SLC41A2: variants seen among roughly 807,000 people sequenced by gnomAD.
SLC41A2 encodes the protein solute carrier family 41 member 2.
In SLC41A2, 32 loss-of-function variants were observed where a neutral mutation model predicts 58.3. That is an observed-to-expected ratio of 0.55 (90% CI 0.41 to 0.74). The LOEUF is 0.74. SLC41A2 is among the 30% of genes least tolerant of loss of function. The pLI, the probability that SLC41A2 is intolerant of heterozygous loss-of-function variation, is 0.00. For missense variants in SLC41A2, 514 were observed against 680.6 expected (o/e 0.76, Z 2.72); for synonymous variants, 190 against 235.0 (o/e 0.81, Z 1.75).
chr12:104,806,635 G>A (rs868002572), intron 10 of SLC41A2, among the ~76,000 whole-genome samples: 4 of 151,458 alleles, frequency 2.6e-5, no homozygotes, highest in African/African-American at 9.7e-5. Context: ...CTGAGGAATC[G>A]CCACACTGAC....
At chr12:104,896,045 C>A (rs544691146) in intron 3 of SLC41A2, among the ~76,000 whole-genome samples, 1 of 152,096 alleles carries the variant, frequency 6.6e-6, no homozygotes, top group Non-Finnish European at 1.5e-5. Context: ...TGGAAAGCAA[C>A]GAACAATCAT....
intron 2 of SLC41A2, among the ~76,000 whole-genome samples, chr12:104,918,445 T>C (rs1194369451): frequency 1.3e-5 from 2 of 152,090 alleles, no homozygotes; most frequent in African/African-American, 4.8e-5. Flanking sequence ...CTTGTATTAG[T>C]GCATTATCTG....
At chr12:104,898,112 TA>T (rs1186974114) in intron 3 of SLC41A2, among the ~76,000 whole-genome samples, 3 of 152,184 alleles carry the variant, frequency 2.0e-5, no homozygotes, top group Non-Finnish European at 4.4e-5. Flanking sequence ...ATGTATATCT[TA>T]AAGTATTAGA....
chr12:104,821,125 A>G (rs1031186544), intron 10 of SLC41A2, among the ~76,000 whole-genome samples: 2 of 152,182 alleles, frequency 1.3e-5, no homozygotes, highest in African/African-American at 4.8e-5. Context: ...GTATTTCTTG[A>G]AATGTAATTT....
chr12:104,861,529 A>G (rs2043211748), intron 7 of SLC41A2, among the ~76,000 whole-genome samples, 159 bp from the exon 8 acceptor site: 1 of 152,262 alleles, frequency 6.6e-6, no homozygotes, highest in Non-Finnish European at 1.5e-5. Context: ...CAATGTCAAC[A>G]GTAAAATGTT....
intron 10 of SLC41A2, among the ~76,000 whole-genome samples, chr12:104,842,293 C>A (rs1409389169): frequency 6.6e-6 from 1 of 152,114 alleles, no homozygotes; most frequent in African/African-American, 2.4e-5. Flanking sequence ...AATTTACAAC[C>A]TATCCTAAGC....
intron 1 of SLC41A2, among the ~76,000 whole-genome samples, chr12:104,935,434 G>A (rs77721449): frequency 0.11 from 16,084 of 151,940 alleles, 1,409 homozygotes; most frequent in East Asian, 0.26. Flanking sequence ...TAACGTATAC[G>A]TAGATCAAAA....
chr12:104,826,143 C>A (rs768837451), intron 10 of SLC41A2, among the ~76,000 whole-genome samples: 1 of 152,178 alleles, frequency 6.6e-6, no homozygotes, highest in East Asian at 1.9e-4. Context: ...GTTCTCTTCA[C>A]CACCGCCAGC....
At chr12:104,905,924 T>C (rs965240989) in intron 3 of SLC41A2, among the ~76,000 whole-genome samples, 4 of 151,904 alleles carry the variant, frequency 2.6e-5, no homozygotes, top group African/African-American at 4.8e-5. Context: ...GCTGAGGGAG[T>C]GGGCTCCGGC....
rs533075781 is a variant in SLC41A2 at position 104,926,950 on chromosome 12, G to A, written c.555+1023C>T. Among the ~76,000 whole-genome samples, 33 of 152,110 alleles carry A rather than the reference G, an allele frequency of 2.2e-4. No homozygotes were observed. In the South Asian group the frequency reaches 5.4e-3, roughly 25 times the overall value. The stretch of plus-strand genomic sequence containing the variant: ...AAAAATTTTTTTTAATTAGTGAGGT[G>A]TAGTGCGCCTGTAGTACCAGCCACT... On this transcript the variant is annotated intron_variant, in intron 2 of 10. Coordinates refer to ENST00000258538, the MANE Select transcript of SLC41A2 (RefSeq NM_001352171.3).
chr12:104,843,661 T>C (rs533763453), intron 10 of SLC41A2, among the ~76,000 whole-genome samples: 28 of 152,250 alleles, frequency 1.8e-4, no homozygotes, highest in Admixed American at 3.3e-4. Context: ...TGCTAAAATA[T>C]ATTTATTACT....
intron 4 of SLC41A2, among the ~76,000 whole-genome samples, chr12:104,892,341 ATG>A (rs2045048617): frequency 6.8e-6 from 1 of 147,610 alleles, no homozygotes; most frequent in African/African-American, 2.5e-5. Flanking sequence ...TAAAATATTG[ATG>A]CAAGAAATTG....
chr12:104,906,065 G>A (rs530023419), intron 3 of SLC41A2, among the ~76,000 whole-genome samples: 7 of 152,360 alleles, frequency 4.6e-5, no homozygotes, highest in African/African-American at 9.6e-5. Flanking sequence ...CTGCCAGCAC[G>A]CTGTCACCTC....
In SLC41A2 at chr12:104,928,586, A is replaced by G. The variant is rs977664862; in HGVS notation, c.-59T>C. The G allele has an allele frequency of 1.1e-5, 12 of 1,139,160 alleles. No individual in the cohort carries two copies. Among genetic ancestry groups the G allele is most frequent in the Non-Finnish European group, 1.4e-5 (12 of 838,580 alleles). 70.6% of individuals were successfully genotyped at this position (1,139,160 alleles called of 1,614,324 possible). On this transcript the variant is annotated 5_prime_UTR_variant, in exon 2 of 11. Transcript: ENST00000258538. ...TCTCAAGCTTCGGGAACCACAGCAG[A>G]TGAATCAGAACCGCACAAACACTGG...
At chr12:104,905,545 G>C (rs1453013861) in intron 3 of SLC41A2, among the ~76,000 whole-genome samples, 1 of 152,260 alleles carries the variant, frequency 6.6e-6, no homozygotes, top group African/African-American at 2.4e-5. Flanking sequence ...CGATGGGACT[G>C]GGCGCCGTGG....
chr12:104,902,565 T>C (rs2045615023), intron 3 of SLC41A2, among the ~76,000 whole-genome samples: 1 of 152,168 alleles, frequency 6.6e-6, no homozygotes, highest in East Asian at 1.9e-4. Flanking sequence ...GTGCAAGCAG[T>C]GCTGGACTAC....
At chr12:104,938,738 T>A (rs1032354895) in intron 1 of SLC41A2, among the ~76,000 whole-genome samples, 36 of 151,696 alleles carry the variant, frequency 2.4e-4, no homozygotes, top group African/African-American at 8.7e-4. Context: ...CCACTGAGAG[T>A]TTGGAATTGT....
intron 10 of SLC41A2, among the ~76,000 whole-genome samples, chr12:104,814,660 C>T (rs2041316540): frequency 6.6e-6 from 1 of 151,940 alleles, no homozygotes; most frequent in African/African-American, 2.4e-5. Context: ...GTTATCATTA[C>T]CTACCTGATG....
Position 104,813,551 on chromosome 12 carries a change from C to T in SLC41A2, c.1537-8214G>A, listed in dbSNP as rs1301166689. Among the ~76,000 whole-genome samples the T allele has an allele frequency of 5.3e-5, 8 of 152,152 alleles. No homozygotes were observed. In the East Asian group the frequency reaches 7.7e-4, roughly 15 times the overall value. ...AAATAGCTAAAGGAGCTCTGGAGGA[C>T]TATTTAGTAGTTAAAGAGTTTTACA... On this transcript the variant is annotated intron_variant, in intron 10 of 10. Transcript: ENST00000258538.
Sources: allele counts gnomAD v4.1 joint callset (sites outside exome capture counted in the v4.1 genomes callset), GRCh38; gene constraint gnomAD v4.1.1; transcripts MANE v1.5; gene names NCBI Gene and HGNC (gene_info 2026-07-23, HGNC 2026-07-21).